The following NUTM1 variants were observed in gnomAD, a reference collection of about 807,000 sequenced individuals.
NUTM1 encodes NUT family member 1.
Under a neutral mutation model 88.7 loss-of-function variants are expected in NUTM1, and 39 were observed. The ratio of observed to expected loss-of-function variants is 0.44; its 90% CI spans 0.34 to 0.57. The LOEUF (loss-of-function observed/expected upper bound fraction) is 0.57. NUTM1 is among the 20% of genes least tolerant of loss of function. The pLI, the probability that NUTM1 is intolerant of heterozygous loss-of-function variation, is 0.01. For missense variants in NUTM1, 1,350 were observed against 1,414.5 expected (o/e 0.95, Z 0.73); for synonymous variants, 494 against 538.0 (o/e 0.92, Z 1.13).
intron 2 of NUTM1, among the ~76,000 whole-genome samples, chr15:34,347,311 A>C (rs2140152424): frequency 6.6e-6 from 1 of 151,134 alleles, no homozygotes; most frequent in South Asian, 2.1e-4. Context: ...AGGCTGGAGC[A>C]CAGAGGCGCA....
intron 4 of NUTM1, among the ~76,000 whole-genome samples, chr15:34,352,592 A>G (rs1890728278): frequency 6.7e-6 from 1 of 148,588 alleles, no homozygotes; most frequent in Admixed American, 6.8e-5. Flanking sequence ...AAGTCAGGAG[A>G]TTGAGACCAT....
intron 4 of NUTM1, 139 bp from the exon 5 acceptor site, chr15:34,353,595 ACC>A: frequency 1.1e-6 from 1 of 882,516 alleles, no homozygotes; most frequent in Non-Finnish European, 1.8e-6. Flanking sequence ...ACCTGTGACC[ACC>A]CTCCTGGGTG....
Position 34,353,891 on chromosome 15 carries a change from G to T in NUTM1, c.1075+19G>T. On this transcript the variant is annotated intron_variant, in intron 5 of 7. Transcript: ENST00000537011. ...CAGCCAGGTGAGGCTACCCAATTTTGACAGGAGCCGTGGGCCAAAGGCTCA... is the reference window on the plus strand; with the variant it reads ...CAGCCAGGTGAGGCTACCCAATTTTTACAGGAGCCGTGGGCCAAAGGCTCA... 1 of 1,612,496 alleles carries T rather than the reference G, an allele frequency of 6.2e-7. No homozygotes were observed. The highest frequency in any genetic ancestry group is 1.1e-5 in the South Asian group (1 of 90,992).
At chr15:34,349,849 AT>A (rs1890674590) in intron 3 of NUTM1, among the ~76,000 whole-genome samples, 1 of 152,188 alleles carries the variant, frequency 6.6e-6, no homozygotes, top group Non-Finnish European at 1.5e-5. Flanking sequence ...AGCAGGCTAA[AT>A]TTCAAAATCT....
rs768343381 is a variant in NUTM1 at position 34,348,170 on chromosome 15, CAG to C, written c.303_304del (p.Asp103TrpfsTer25). On this transcript the variant is annotated frameshift_variant, in exon 3 of 8. Coordinates refer to ENST00000537011, the MANE Select transcript of NUTM1 (RefSeq NM_001284292.2). LOFTEE classifies it high-confidence loss of function. ...GCTTTCCCCAGCTCACTGTTGGTGA[CAG>C]GGGATGGGGGCCCTTGCCTCAGTGG... is the stretch of plus-strand genomic sequence containing the variant. 1.0e-4 allele frequency: 168 copies of C among 1,614,116 alleles called. No homozygotes were observed. Among genetic ancestry groups the C allele is most frequent in the Non-Finnish European group, 1.4e-4 (161 of 1,180,048 alleles).
intron 4 of NUTM1, among the ~76,000 whole-genome samples, chr15:34,352,753 C>A (rs1295550262): frequency 1.3e-5 from 2 of 149,666 alleles, no homozygotes; most frequent in Admixed American, 6.7e-5. Context: ...TTGCAGTGAG[C>A]CGAGATTGGG....
rs564909658 is a variant in NUTM1 at position 34,347,829 on chromosome 15, G to A, written c.101-140G>A. ...GATTGTGCCACTGCACTCCAGCCTG[G>A]GCGACAGAGCGAGACTCCATCTCAA... On this transcript the variant is annotated intron_variant, in intron 2 of 7. Coordinates refer to ENST00000537011, the MANE Select transcript of NUTM1 (RefSeq NM_001284292.2). The A allele has an allele frequency of 1.5e-3, 737 of 481,102 alleles. 7 individuals are homozygous for A. Among genetic ancestry groups the A allele is most frequent in the African/African-American group, 0.013 (657 of 49,308 alleles). 29.8% of individuals were successfully genotyped at this position (481,102 alleles called of 1,614,324 possible).
At chr15:34,353,612 G>A (rs911695411) in intron 4 of NUTM1, 124 bp from the exon 5 acceptor site, 3 of 1,132,382 alleles carry the variant, frequency 2.6e-6, no homozygotes, top group Admixed American at 2.1e-5. Context: ...TGGGTGACAT[G>A]ACTTAGGCAG....
chr15:34,355,084 C>A lies in NUTM1; in HGVS notation c.1426C>A (p.Pro476Thr). The A allele has an allele frequency of 6.2e-7, 1 of 1,614,042 alleles. No homozygotes were observed. The highest frequency in any genetic ancestry group is 8.5e-7 in the Non-Finnish European group (1 of 1,179,914). Reference protein sequence around the residue: ...DLLSPEKQRDPLALIEELEQE... With the variant: ...DLLSPEKQRDTLALIEELEQE... ...GCTGTCCCCAGAAAAACAGAGAGAT[C>A]CCTTGGCCTTAATTGAGGAGCTAGA... Residue 476 changes from proline (P) to threonine (T), a missense_variant, in exon 7 of 8, where the codon CCC (proline) becomes ACC (threonine). By Grantham distance (38) the Pro-to-Thr change is conservative. Coordinates refer to ENST00000537011, the MANE Select transcript of NUTM1 (RefSeq NM_001284292.2). The surrounding 1 kb of genome is among the most constrained non-coding windows in gnomAD (Gnocchi z 4.3).
At chr15:34,346,905 AAAGCAG>A (rs1566887570) in intron 2 of NUTM1, among the ~76,000 whole-genome samples, 2 of 149,820 alleles carry the variant, frequency 1.3e-5, no homozygotes, top group Non-Finnish European at 3.0e-5. Flanking sequence ...AAAAAAAAAA[AAAGCAG>A]CACTTAGAGG....
chr15:34,347,992 A>G lies in NUTM1; in HGVS notation c.124A>G (p.Met42Val), dbSNP rs749721245. The change falls in exon 3 of 8, where the codon ATG (methionine) becomes GTG (valine). Residue 42 changes from methionine to valine, a missense_variant. By Grantham distance (21) the Met-to-Val change is conservative. Around this residue, in one of 5 missense-constraint regions of NUTM1, gnomAD observed 399 missense variants for 397.9 expected, o/e 1.00. Coordinates refer to ENST00000537011, the MANE Select transcript of NUTM1 (RefSeq NM_001284292.2). ...DGASALPGPD[M>V]SMKPSAAPSP... Reference sequence around the variant, plus strand: ...AGCATCTGCATTGCCGGGACCGGATATGAGCATGAAACCTAGTGCCGCCCC... The same window carrying G: ...AGCATCTGCATTGCCGGGACCGGATGTGAGCATGAAACCTAGTGCCGCCCC... 6.8e-6 allele frequency: 11 copies of G among 1,612,296 alleles called. No homozygotes were observed. Among genetic ancestry groups the G allele is most frequent in the Middle Eastern group, 1.6e-4 (1 of 6,074 alleles).
At position 34,353,697 on chromosome 15, in the gene NUTM1, CCTT is replaced by C. The variant is rs759959659; in HGVS notation, c.939-36_939-34del. On this transcript the variant is annotated intron_variant, in intron 4 of 7. Transcript: ENST00000537011. ...TCTGGATTTCTGATGGGTCTGGTCT[CCTT>C]CTCAGCATTGCCTATGCCTTTCTCA... is the stretch of plus-strand genomic sequence containing the variant. 6.2e-6 allele frequency: 10 copies of C among 1,612,880 alleles called. No homozygotes were observed. The South Asian group carries it at 8.8e-5, about 14-fold the overall frequency.
intron 3 of NUTM1, among the ~76,000 whole-genome samples, chr15:34,349,015 T>TC (rs1466167981): frequency 1.3e-5 from 2 of 151,986 alleles, no homozygotes; most frequent in Non-Finnish European, 2.9e-5. Flanking sequence ...GCCAGGGTCC[T>TC]CCCCCCGTTC....
intron 1 of NUTM1, among the ~76,000 whole-genome samples, chr15:34,345,333 T>G (rs1890566586): frequency 6.6e-6 from 1 of 152,228 alleles, no homozygotes; most frequent in Non-Finnish European, 1.5e-5. Context: ...GGCAGCTTTT[T>G]TATTTAGTGA....
In NUTM1 at chr15:34,344,502, CAAA is replaced by C. The variant is rs780145688; in HGVS notation, c.6+820_6+822del. ...TGGGCGACAGAGCGAGATCCTGTCT[CAAA>C]AAAAAAAAAAAAAAAAAAAGAATAT... is the stretch of plus-strand genomic sequence containing the variant. On this transcript the variant is annotated intron_variant, in intron 1 of 7. Coordinates refer to ENST00000537011, the MANE Select transcript of NUTM1 (RefSeq NM_001284292.2). Among the ~76,000 whole-genome samples the C allele has an allele frequency of 3.3e-3, 287 of 85,740 alleles. 2 individuals are homozygous for C. Among genetic ancestry groups the C allele is most frequent in the African/African-American group, 0.011 (240 of 22,282 alleles). 56.2% of individuals were successfully genotyped at this position (85,740 alleles called of 152,430 possible).
intron 2 of NUTM1, among the ~76,000 whole-genome samples, chr15:34,346,798 A>C (rs380642): frequency 7.2e-6 from 1 of 139,444 alleles, no homozygotes; most frequent in Non-Finnish European, 1.5e-5. Context: ...CAGGAGAATC[A>C]CTTGAACCCA....
Position 34,355,686 on chromosome 15 carries a change from C to T in NUTM1, c.1678C>T (p.Arg560Trp), listed in dbSNP as rs755426877. 26 of 1,607,998 alleles carry T rather than the reference C, an allele frequency of 1.6e-5. No homozygotes were observed. Among genetic ancestry groups the T allele is most frequent in the South Asian group, 5.5e-5 (5 of 90,560 alleles). ...TGGAAAGGTTTCTTCTTCAGGAAAA[C>T]GGGCAAGAGAAGTGCATGGTGGGCA... ...CLGKVSSSGKRAREVHGGQEQ... is the reference protein window; with the variant it reads ...CLGKVSSSGKWAREVHGGQEQ... The change falls in exon 8 of 8, where the codon CGG (arginine) becomes TGG (tryptophan). Residue 560 changes from arginine (R) to tryptophan (W), a missense_variant. Around this residue, in one of 5 missense-constraint regions of NUTM1, gnomAD observed 730 missense variants for 728.8 expected, o/e 1.00. Coordinates refer to ENST00000537011, the MANE Select transcript of NUTM1 (RefSeq NM_001284292.2). This position sits in a 1 kb window ranked among gnomAD's most constrained non-coding sequence, Gnocchi z 4.3.
At chr15:34,352,157 C>T (rs989065969) in intron 4 of NUTM1, among the ~76,000 whole-genome samples, 2 of 152,018 alleles carry the variant, frequency 1.3e-5, no homozygotes, top group Admixed American at 6.6e-5. Flanking sequence ...GCAACAAGAG[C>T]GAAACTCTGT....
intron 2 of NUTM1, among the ~76,000 whole-genome samples, 163 bp downstream of exon 2, chr15:34,346,198 G>A (rs1252548857): frequency 1.3e-5 from 2 of 152,182 alleles, no homozygotes; most frequent in African/African-American, 4.8e-5. Context: ...TAGGGGCTGG[G>A]GAAGGAAGAG....
Sources: allele counts gnomAD v4.1 joint callset (sites outside exome capture counted in the v4.1 genomes callset), GRCh38; gene constraint gnomAD v4.1.1; regional missense constraint gnomAD v4.1.1; non-coding constraint Gnocchi (gnomAD v3.1); transcripts MANE v1.5; gene names NCBI Gene and HGNC (gene_info 2026-07-23, HGNC 2026-07-21).